The following EMSY variants were observed in gnomAD, a reference collection of about 807,000 sequenced individuals.
EMSY encodes BRCA2-interacting transcriptional repressor EMSY.
A neutral mutation model predicts 134.6 loss-of-function variants in EMSY; 26 were observed. The ratio of observed to expected loss-of-function variants is 0.19; its 90% CI spans 0.14 to 0.27. EMSY has a LOEUF of 0.27. EMSY is among the 10% of genes least tolerant of loss of function. EMSY has a pLI of 1.00. For missense variants in EMSY, 1,305 were observed against 1,611.4 expected, an observed-to-expected ratio of 0.81 and a Z score of 3.26; for synonymous variants, 579 against 577.8, an observed-to-expected ratio of 1.00 and a Z score of -0.03.
At chr11:76,535,964 A>C (rs144798466) in exon 15 of EMSY, 1 of 1,605,142 alleles carries the variant, frequency 6.2e-7, no homozygotes, top group African/African-American at 1.3e-5. Flanking sequence ...ATTGCAATGG[A>C]GACTAGCCCT....
rs766654877 is a variant in EMSY at position 76,537,746 on chromosome 11, G to A, written c.2360-49G>A. Reference sequence around the variant, plus strand: ...ATTCCTGTGGACAACTCTGGTTTTGGTACTTGTTTGTAATAAAAGTTAACT... The same window carrying A: ...ATTCCTGTGGACAACTCTGGTTTTGATACTTGTTTGTAATAAAAGTTAACT... On this transcript the variant is annotated intron_variant, in intron 15 of 20. Transcript: ENST00000334736. The A allele has an allele frequency of 3.3e-6, 5 of 1,503,320 alleles. No homozygotes were observed. In the East Asian group the frequency reaches 9.2e-5, roughly 28 times the overall value. The allele number at this position is 1,503,320 out of a possible 1,614,324, so 93.1% of individuals were successfully genotyped here.
chr11:76,493,528 A>G (rs1253357956), intron 8 of EMSY, among the ~76,000 whole-genome samples: 1 of 152,056 alleles, frequency 6.6e-6, no homozygotes, highest in Non-Finnish European at 1.5e-5. Context: ...TTGGCCGCCC[A>G]TGGACCAATT....
At chr11:76,546,182 C>G (rs1305289730) in exon 20 of EMSY, 1 of 1,614,164 alleles carries the variant, frequency 6.2e-7, no homozygotes, top group Admixed American at 1.7e-5. Flanking sequence ...GTTGGCTCTT[C>G]CCTAACGACA....
chr11:76,502,287 CAAAAAAAAAAAAAAA>C (rs34882734), intron 9 of EMSY, among the ~76,000 whole-genome samples: 1 of 8,530 alleles, frequency 1.2e-4, no homozygotes, highest in Non-Finnish European at 2.4e-4. Context: ...AGAAAATGGG[CAAAAAAAAAAAAAAA>C]AAAAAAAAAG....
intron 14 of EMSY, among the ~76,000 whole-genome samples, chr11:76,533,402 T>C (rs1358418433): frequency 6.6e-6 from 1 of 152,168 alleles, no homozygotes; most frequent in Non-Finnish European, 1.5e-5. Context: ...ACAAGACCTG[T>C]TTCTACTCAA....
rs1019918238 is a variant in EMSY at position 76,446,887 on chromosome 11, T to G, written c.-39-13T>G. 48 of 1,566,504 alleles carry G rather than the reference T, an allele frequency of 3.1e-5. No individual in the cohort carries two copies. The Middle Eastern group carries it at 6.8e-4, about 22-fold the overall frequency. ...TACTTTGGTAATTTGACTTTTTTTT[T>G]TTGTTCTGGTAGGGAGGACAAGCTC... On this transcript the variant is annotated splice_polypyrimidine_tract_variant and intron_variant, in intron 1 of 20. Transcript: ENST00000334736.
chr11:76,478,190 G>A (rs551462200), intron 8 of EMSY, among the ~76,000 whole-genome samples: 32 of 152,160 alleles, frequency 2.1e-4, no homozygotes, highest in South Asian at 8.3e-4. Flanking sequence ...GTATCTAAAA[G>A]CATTTAAAAG....
intron 6 of EMSY, among the ~76,000 whole-genome samples, chr11:76,463,361 C>T (rs1176855852): frequency 3.3e-5 from 5 of 149,772 alleles, no homozygotes; most frequent in Non-Finnish European, 7.4e-5. Context: ...CGGTGGCTCA[C>T]GCCTGTAATC....
At chr11:76,516,407 T>A in intron 11 of EMSY, 95 bp downstream of exon 12, 3 of 964,332 alleles carry the variant, frequency 3.1e-6, no homozygotes, top group Non-Finnish European at 4.3e-6. Flanking sequence ...TGATCTCAAT[T>A]TTTTGCTTAG....
intron 11 of EMSY, among the ~76,000 whole-genome samples, chr11:76,520,808 TTAAG>T (rs34486688): frequency 0.54 from 81,332 of 151,366 alleles, 22,908 homozygotes; most frequent in South Asian, 0.67. Context: ...TGTATAAAAC[TTAAG>T]TAAGGAATAT....
intron 8 of EMSY, among the ~76,000 whole-genome samples, chr11:76,487,273 G>A (rs557019147): frequency 1.6e-4 from 25 of 152,266 alleles, no homozygotes; most frequent in African/African-American, 5.8e-4. Context: ...GAGTCTCCTG[G>A]TCTCTCATCT....
intron 10 of EMSY, 51 bp downstream of exon 11, chr11:76,513,586 A>G (rs774057983): frequency 6.3e-7 from 1 of 1,584,718 alleles, no homozygotes; most frequent in South Asian, 1.1e-5. Context: ...TTCATCAAAC[A>G]GTTTCTCTGT....
chr11:76,445,599 C>T (rs764217638), intron 1 of EMSY, among the ~76,000 whole-genome samples: 9 of 152,022 alleles, frequency 5.9e-5, no homozygotes, highest in Non-Finnish European at 1.0e-4. Flanking sequence ...GTCTCCTTGA[C>T]ACTTGAGTGG....
At chr11:76,518,703 A>ATATATT (rs57143914) in intron 11 of EMSY, among the ~76,000 whole-genome samples, 2,382 of 130,108 alleles carry the variant, frequency 0.018, 35 homozygotes, top group Non-Finnish European at 0.028. Flanking sequence ...ATATATATAT[A>ATATATT]TTTTTTTTTT....
At chr11:76,551,554 T>A (rs531155442), downstream of EMSY, 11 of 152,798 alleles carry the variant, frequency 7.2e-5, no homozygotes, top group African/African-American at 2.6e-4. Flanking sequence ...CACTGAAGAT[T>A]TAAACACAAG....
intron 18 of EMSY, among the ~76,000 whole-genome samples, chr11:76,543,419 T>C (rs965772435): frequency 5.9e-5 from 9 of 152,088 alleles, no homozygotes; most frequent in Non-Finnish European, 1.0e-4. Context: ...GCTGTGTCAT[T>C]GAGGGAAGCC....
chr11:76,449,951 C>T (rs1404368991), intron 2 of EMSY, among the ~76,000 whole-genome samples: 1 of 152,084 alleles, frequency 6.6e-6, no homozygotes, highest in African/African-American at 2.4e-5. Flanking sequence ...CATATTTTTA[C>T]TGCCCTTAGT....
chr11:76,490,420 T>C (rs542465702), intron 8 of EMSY, among the ~76,000 whole-genome samples: 223 of 152,328 alleles, frequency 1.5e-3, no homozygotes, highest in African/African-American at 5.2e-3. Flanking sequence ...TTGTCAGATA[T>C]CCTGTGGGAT....
At chr11:76,458,608 G>T (rs1947974031) in intron 5 of EMSY, 3 of 305,668 alleles carry the variant, frequency 9.8e-6, no homozygotes, top group African/African-American at 6.6e-5. Flanking sequence ...ATAGATTTTT[G>T]ATATCAGTGT....
Sources: gnomAD v4.1 joint callset for allele counts (sites outside exome capture counted in the v4.1 genomes callset) on GRCh38, gnomAD v4.1.1 for gene constraint, MANE v1.5 for transcripts, NCBI Gene and HGNC (gene_info 2026-07-23, HGNC 2026-07-21) for gene names.